The following KHDRBS2 variants were observed in gnomAD, a reference collection of about 807,000 sequenced individuals.
The protein encoded by KHDRBS2 is KH RNA binding domain containing, signal transduction associated 2.
Under a neutral mutation model 44.3 loss-of-function variants are expected in KHDRBS2, and 26 were observed. The ratio of observed to expected loss-of-function variants is 0.59; its 90% CI spans 0.43 to 0.81. The LOEUF (loss-of-function observed/expected upper bound fraction) is 0.81. Among genes scored for constraint, KHDRBS2 ranks in the 40% least tolerant of loss-of-function variants. The pLI is 0.00. For synonymous variants in KHDRBS2, 194 were observed against 151.1 expected (o/e 1.28, Z -2.08); for missense variants, 476 against 433.1 (o/e 1.10, Z -0.88).
At chr6:61,740,404 T>G (rs1005019052) in intron 6 of KHDRBS2, among the ~76,000 whole-genome samples, 1 of 151,882 alleles carries the variant, frequency 6.6e-6, no homozygotes, top group African/African-American at 2.4e-5. Flanking sequence ...CTGAATTGTT[T>G]TCTATAACAT....
At chr6:61,735,341 C>T (rs1775169817) in intron 6 of KHDRBS2, among the ~76,000 whole-genome samples, 1 of 152,106 alleles carries the variant, frequency 6.6e-6, no homozygotes. Flanking sequence ...GCTTCTATCT[C>T]CTGAGTGTAG....
chr6:62,085,884 G>C (rs1397879745), intron 2 of KHDRBS2, among the ~76,000 whole-genome samples: 2 of 152,118 alleles, frequency 1.3e-5, no homozygotes, highest in Non-Finnish European at 2.9e-5. Context: ...TTAGGGTTAA[G>C]ATTGGGAAAA....
chr6:61,846,654 T>C (rs1794461013), intron 6 of KHDRBS2, among the ~76,000 whole-genome samples: 1 of 152,126 alleles, frequency 6.6e-6, no homozygotes, highest in South Asian at 2.1e-4. Flanking sequence ...ATTATATATA[T>C]TTATAACTCA....
intron 1 of KHDRBS2, among the ~76,000 whole-genome samples, chr6:62,196,957 G>A (rs1825833939): frequency 6.6e-6 from 1 of 152,046 alleles, no homozygotes; most frequent in Admixed American, 6.6e-5. Context: ...AATAGGTCCA[G>A]TACTATGTCG....
At chr6:61,735,027 T>A (rs564530950) in intron 6 of KHDRBS2, among the ~76,000 whole-genome samples, 1 of 152,162 alleles carries the variant, frequency 6.6e-6, no homozygotes, top group South Asian at 2.1e-4. Context: ...TTTAATTTCT[T>A]GCTGAAACAT....
chr6:61,970,130 A>G (rs1282263021), intron 4 of KHDRBS2, among the ~76,000 whole-genome samples: 3 of 152,000 alleles, frequency 2.0e-5, no homozygotes, highest in Non-Finnish European at 4.4e-5. Flanking sequence ...TTCTCTCTAT[A>G]TATGTGTGTA....
At chr6:61,610,468 G>T in the KHDRBS2 span, among the ~76,000 whole-genome samples, 2 of 152,068 alleles carry the variant, frequency 1.3e-5, no homozygotes, top group Non-Finnish European at 2.9e-5. Flanking sequence ...GTGTTTGTGG[G>T]TCAGAATCTC....
intron 3 of KHDRBS2, among the ~76,000 whole-genome samples, chr6:61,996,360 T>C (rs1366430942): frequency 2.0e-5 from 3 of 152,294 alleles, no homozygotes; most frequent in African/African-American, 7.2e-5. Flanking sequence ...AGACATTAAA[T>C]ACAAGAGACA....
chr6:62,285,255 T>C (rs1374157716), intron 1 of KHDRBS2, among the ~76,000 whole-genome samples: 3 of 152,122 alleles, frequency 2.0e-5, no homozygotes, highest in Non-Finnish European at 2.9e-5. Context: ...TATAGAGTGT[T>C]CCCAGGGACC....
intron 2 of KHDRBS2, among the ~76,000 whole-genome samples, chr6:62,083,041 C>G (rs1468772417): frequency 6.6e-6 from 1 of 152,168 alleles, no homozygotes; most frequent in South Asian, 2.1e-4. Context: ...ATTCCACCCT[C>G]AAGCCTGGAC....
intron 1 of KHDRBS2, among the ~76,000 whole-genome samples, chr6:62,224,933 C>A (rs1013067486): frequency 2.0e-5 from 3 of 152,168 alleles, no homozygotes; most frequent in African/African-American, 7.2e-5. Context: ...GTGGCTTAAC[C>A]ATGATCCCCA....
At chr6:61,739,272 T>C (rs1775821693) in intron 6 of KHDRBS2, among the ~76,000 whole-genome samples, 1 of 151,900 alleles carries the variant, frequency 6.6e-6, no homozygotes, top group South Asian at 2.1e-4. Context: ...GTCAATGTTA[T>C]TGATAAACAT....
At chr6:62,002,988 T>C (rs918204378) in intron 3 of KHDRBS2, among the ~76,000 whole-genome samples, 2 of 152,122 alleles carry the variant, frequency 1.3e-5, no homozygotes, top group Non-Finnish European at 2.9e-5. Flanking sequence ...TTAATTCATA[T>C]GTAAAAATTT....
At chr6:61,903,279 T>G (rs1193490343) in intron 4 of KHDRBS2, among the ~76,000 whole-genome samples, 1 of 152,168 alleles carries the variant, frequency 6.6e-6, no homozygotes, top group Non-Finnish European at 1.5e-5. Context: ...CTTTGCAGCT[T>G]CTTCTCTGAG....
At chr6:62,028,072 A>C (rs1232970723) in intron 3 of KHDRBS2, among the ~76,000 whole-genome samples, 1 of 152,002 alleles carries the variant, frequency 6.6e-6, no homozygotes, top group Non-Finnish European at 1.5e-5. Context: ...TTGAGCCCTT[A>C]ACCTGTGAGA....
intron 6 of KHDRBS2, among the ~76,000 whole-genome samples, chr6:61,804,031 T>C (rs1786723233): frequency 6.6e-6 from 1 of 152,014 alleles, no homozygotes; most frequent in Non-Finnish European, 1.5e-5. Flanking sequence ...CAATTATGCC[T>C]TCCCAATAGC....
the KHDRBS2 span, among the ~76,000 whole-genome samples, chr6:61,576,604 G>T: frequency 6.6e-6 from 1 of 151,970 alleles, no homozygotes; most frequent in Non-Finnish European, 1.5e-5. Context: ...AATTTATTTA[G>T]GCATAATTAA....
chr6:62,173,456 A>C (rs1820477915), intron 2 of KHDRBS2, among the ~76,000 whole-genome samples: 1 of 151,948 alleles, frequency 6.6e-6, no homozygotes, highest in African/African-American at 2.4e-5. Flanking sequence ...CAGACTACCA[A>C]CCAGAAAAAG....
At chr6:61,614,815 T>G in the KHDRBS2 span, among the ~76,000 whole-genome samples, 2 of 152,176 alleles carry the variant, frequency 1.3e-5, no homozygotes, top group African/African-American at 4.8e-5. Context: ...GTTTGGCTCT[T>G]GGCCCTGCAA....
Sources: gnomAD v4.1 joint callset for allele counts (sites outside exome capture counted in the v4.1 genomes callset) on GRCh38, gnomAD v4.1.1 for gene constraint, MANE v1.5 for transcripts, NCBI Gene and HGNC (gene_info 2026-07-23, HGNC 2026-07-21) for gene names.